NEK4: variants seen among roughly 807,000 people sequenced by gnomAD.
NEK4 encodes serine/threonine-protein kinase Nek4.
NEK4 carries 86 observed loss-of-function variants against 98.4 expected under a neutral mutation model. The ratio of observed to expected loss-of-function variants is 0.87; its 90% CI spans 0.73 to 1.05. NEK4 has a LOEUF of 1.05. Among genes scored for constraint, NEK4 ranks in the 50% least tolerant of loss-of-function variants. NEK4 has a pLI of 0.00. For synonymous variants in NEK4, 328 were observed against 342.2 expected, an observed-to-expected ratio of 0.96 and a Z score of 0.46; for missense variants, 898 against 950.3, an observed-to-expected ratio of 0.94 and a Z score of 0.72.
Position 52,753,832 on chromosome 3 carries a change from A to G in NEK4, c.964-1496T>C, listed in dbSNP as rs529115476. The G allele has an allele frequency of 2.1e-4, 90 of 428,972 alleles. 1 individual carries two copies. The highest frequency in any genetic ancestry group is 1.3e-3 in the South Asian group (73 of 54,556). 26.6% of individuals were successfully genotyped at this position (428,972 alleles called of 1,614,324 possible). On this transcript the variant is annotated intron_variant, in intron 6 of 15. Transcript: ENST00000233027. ...TGCAGCCATCTTATCCCTCTGTATTAAAGTGGTTTGGACTAATATTCATAG... is the reference window on the plus strand; with the variant it reads ...TGCAGCCATCTTATCCCTCTGTATTGAAGTGGTTTGGACTAATATTCATAG...
intron 2 of NEK4, among the ~76,000 whole-genome samples, chr3:52,767,158 C>T (rs1327288399): frequency 2.6e-5 from 4 of 151,870 alleles, no homozygotes; most frequent in East Asian, 3.9e-4. Flanking sequence ...TGGTGACGCA[C>T]GCCTATAATC....
chr3:52,754,695 G>A (rs1201825458), intron 6 of NEK4: 1 of 564,950 alleles, frequency 1.8e-6, no homozygotes, highest in Non-Finnish European at 3.5e-6. Context: ...AGCAACTTAA[G>A]AGATGGTGAA....
At chr3:52,770,017 T>C (rs990386388) in intron 1 of NEK4, among the ~76,000 whole-genome samples, 3 of 152,108 alleles carry the variant, frequency 2.0e-5, no homozygotes, top group African/African-American at 7.2e-5. Flanking sequence ...ATTGGGGTGG[T>C]AGCAGTAGAG....
intron 4 of NEK4, among the ~76,000 whole-genome samples, 190 bp from the exon 5 acceptor site, chr3:52,763,814 T>C (rs1161273350): frequency 6.6e-6 from 1 of 152,230 alleles, no homozygotes; most frequent in Non-Finnish European, 1.5e-5. Flanking sequence ...TATAAAAGTA[T>C]ATCCTCCAAC....
At chr3:52,722,565 GA>G (rs1561286824) in intron 15 of NEK4, among the ~76,000 whole-genome samples, 1 of 152,032 alleles carries the variant, frequency 6.6e-6, no homozygotes, top group East Asian at 1.9e-4. Flanking sequence ...AAAAACAAAA[GA>G]AATCAATAGA....
At chr3:52,733,338 G>T in intron 15 of NEK4, 1 of 361,008 alleles carries the variant, frequency 2.8e-6, no homozygotes, top group East Asian at 7.1e-5. Context: ...CAACATCAAA[G>T]AATTCATCCT....
chr3:52,738,899 T>G (rs2097380936), intron 14 of NEK4, among the ~76,000 whole-genome samples: 1 of 152,206 alleles, frequency 6.6e-6, no homozygotes, highest in Non-Finnish European at 1.5e-5. Context: ...AAAAGTCACA[T>G]GAAAAACCAC....
intron 6 of NEK4, among the ~76,000 whole-genome samples, chr3:52,756,636 A>G (rs1404469564): frequency 1.3e-5 from 2 of 152,186 alleles, no homozygotes; most frequent in African/African-American, 2.4e-5. Flanking sequence ...TGTAAGACCT[A>G]AAACTATAAA....
intron 5 of NEK4, 42 bp downstream of exon 5, chr3:52,763,428 C>G: frequency 6.4e-7 from 1 of 1,563,080 alleles, no homozygotes; most frequent in Non-Finnish European, 8.7e-7. Context: ...CCTCTTTCAC[C>G]CCATCTATTT....
chr3:52,728,623 T>C (rs1217975910), intron 15 of NEK4, among the ~76,000 whole-genome samples: 1 of 152,054 alleles, frequency 6.6e-6, no homozygotes, highest in Non-Finnish European at 1.5e-5. Context: ...AAGAACAGAA[T>C]AACAGCGATT....
intron 15 of NEK4, chr3:52,733,033 A>C (rs1048064223): frequency 4.4e-5 from 9 of 203,862 alleles, no homozygotes; most frequent in African/African-American, 2.1e-4. Context: ...TTCTAGTGTT[A>C]AATAAATACA....
At chr3:52,721,924 C>T (rs1030795439) in intron 15 of NEK4, among the ~76,000 whole-genome samples, 1 of 152,142 alleles carries the variant, frequency 6.6e-6, no homozygotes, top group Non-Finnish European at 1.5e-5. Flanking sequence ...CCCAGTGAAA[C>T]CCCACCTTCA....
At chr3:52,720,240 T>G (rs1338402345) in intron 15 of NEK4, among the ~76,000 whole-genome samples, 1 of 151,850 alleles carries the variant, frequency 6.6e-6, no homozygotes, top group Non-Finnish European at 1.5e-5. Context: ...CACACCACCA[T>G]GCCAAGAACC....
At chr3:52,765,628 G>A (rs1235371659) in intron 4 of NEK4, among the ~76,000 whole-genome samples, 1 of 152,144 alleles carries the variant, frequency 6.6e-6, no homozygotes, top group Non-Finnish European at 1.5e-5. Context: ...CACATCCTAT[G>A]ACTATAGGCA....
rs2097350655 is a variant in NEK4, at chr3:52,711,806, T to G, written c.2497A>C (p.Lys833Gln). 6.2e-7 allele frequency: 1 copy of G among 1,610,694 alleles called. No homozygotes were observed. The highest frequency in any genetic ancestry group is 1.3e-5 in the African/African-American group (1 of 74,976). Residue 833 changes from lysine to glutamine, a missense_variant, in exon 16 of 16, where the codon AAA (lysine) becomes CAA (glutamine). Coordinates refer to ENST00000233027, the MANE Select transcript of NEK4 (RefSeq NM_003157.6). Reference protein sequence around the residue: ...TTYSVKARQLKFFEENMNF With the variant: ...TTYSVKARQLQFFEENMNF ...AAATTCATGTTTTCTTCAAAAAATT[T>G]CAACTGGCGAGCTTTCACACTGTAA... is the stretch of plus-strand genomic sequence containing the variant.
At chr3:52,741,261 AG>A in intron 13 of NEK4, 149 bp downstream of exon 13, 3 of 508,526 alleles carry the variant, frequency 5.9e-6, no homozygotes, top group Non-Finnish European at 1.0e-5. Flanking sequence ...AAAAAAAAGA[AG>A]AGACACTTTT....
At chr3:52,731,872 G>A (rs1213605458) in intron 15 of NEK4, among the ~76,000 whole-genome samples, 1 of 152,196 alleles carries the variant, frequency 6.6e-6, no homozygotes, top group Non-Finnish European at 1.5e-5. Flanking sequence ...CCGGCGGGAG[G>A]TAAGTGAATC....
chr3:52,740,923 C>CA (rs1017795283), intron 13 of NEK4, among the ~76,000 whole-genome samples: 9 of 146,398 alleles, frequency 6.1e-5, no homozygotes, highest in Admixed American at 6.8e-5. Context: ...GGAAGAAGTC[C>CA]AAAAAAAAAA....
chr3:52,708,467 T>C lies in NEK4; in HGVS notation c.*3310A>G, dbSNP rs1197508614. On this transcript the variant is annotated 3_prime_UTR_variant, in exon 16 of 16. Coordinates refer to ENST00000233027, the MANE Select transcript of NEK4 (RefSeq NM_003157.6). ...TGCATTGTTAAGTACTTAAGATTTA[T>C]TGAATGAGAACTGCATTGTACAATA... 6.6e-6 allele frequency: 1 copy of C among 152,262 alleles called. No individual in the cohort carries two copies. The highest frequency in any genetic ancestry group is 2.4e-5 in the African/African-American group (1 of 41,468). The allele number at this position is 152,262 out of a possible 1,614,324, so 9.4% of individuals were successfully genotyped here.
Sources: gnomAD v4.1 joint callset for allele counts (sites outside exome capture counted in the v4.1 genomes callset) on GRCh38, gnomAD v4.1.1 for gene constraint, MANE v1.5 for transcripts, NCBI Gene and HGNC (gene_info 2026-07-23, HGNC 2026-07-21) for gene names.